The following ITPRID1 variants were observed in gnomAD, a reference collection of about 807,000 sequenced individuals.
ITPRID1 encodes ITPR interacting domain containing 1, also known as protein ITPRID1.
ITPRID1 carries 96 observed loss-of-function variants against 95.4 expected under a neutral mutation model. The observed-to-expected ratio is 1.01, with a 90% CI of 0.85 to 1.19. The LOEUF (loss-of-function observed/expected upper bound fraction) is 1.19, where lower values mean the gene tolerates loss of function less well. Among genes scored for constraint, ITPRID1 ranks in the 50% most tolerant of loss-of-function variants. The probability of loss-of-function intolerance (pLI) is 0.00; values close to 1 mark genes in which losing one functional copy is unlikely to be tolerated. For missense variants in ITPRID1, 1,339 were observed against 1,252.9 expected, an observed-to-expected ratio of 1.07 and a Z score of -1.04; for synonymous variants, 510 against 453.6, an observed-to-expected ratio of 1.12 and a Z score of -1.58.
chr7:31,636,758 A>C (rs1789521893), intron 10 of ITPRID1, among the ~76,000 whole-genome samples: 1 of 151,266 alleles, frequency 6.6e-6, no homozygotes, highest in South Asian at 2.1e-4. Flanking sequence ...TTTAAGTTTT[A>C]GGGTACATGT....
Position 31,643,948 on chromosome 7 carries a change from T to C in ITPRID1, c.2578T>C (p.Cys860Arg). ...ALQDTTVREL[C>R]SCTVHEMEAM... The stretch of plus-strand genomic sequence containing the variant: ...TCAGGACACTACAGTGAGGGAGCTA[T>C]GTTCCGTAAGTGTTCACCCTGGCAA... The change falls in exon 12 of 15, where the codon TGT (cysteine) becomes CGT (arginine). Residue 860 changes from cysteine (C) to arginine (R), a missense_variant. Physicochemically the swap from Cys to Arg is radical, Grantham distance 180 (BLOSUM62 -3). Transcript: ENST00000615280. 1.2e-6 allele frequency: 2 copies of C among 1,608,092 alleles called. No individual in the cohort carries two copies. The highest frequency in any genetic ancestry group is 1.7e-4 in the Middle Eastern group (1 of 6,018).
intron 10 of ITPRID1, among the ~76,000 whole-genome samples, chr7:31,599,633 C>CTTTCT (rs1464346945): frequency 4.1e-5 from 2 of 48,364 alleles, no homozygotes; most frequent in African/African-American, 1.4e-4. Flanking sequence ...TTCTTTCTTT[C>CTTTCT]TTTCTTTCTT....
intron 12 of ITPRID1, among the ~76,000 whole-genome samples, chr7:31,648,606 C>A (rs1790689699): frequency 6.6e-6 from 1 of 152,088 alleles, no homozygotes; most frequent in Non-Finnish European, 1.5e-5. Context: ...AAAAGGCTAC[C>A]CCAAAATAAC....
chr7:31,530,764 A>G (rs1783570395), intron 1 of ITPRID1, among the ~76,000 whole-genome samples: 1 of 152,186 alleles, frequency 6.6e-6, no homozygotes, highest in Admixed American at 6.5e-5. Flanking sequence ...AAAAAAAGGA[A>G]GCAATAGTCC....
chr7:31,554,622 G>T, intron 4 of ITPRID1, 99 bp downstream of exon 4: 2 of 1,433,240 alleles, frequency 1.4e-6, no homozygotes, highest in South Asian at 1.3e-5. Context: ...GGGAAGTGTA[G>T]GGATTTTCAT....
At chr7:31,609,350 A>C (rs1351353473) in intron 10 of ITPRID1, among the ~76,000 whole-genome samples, 1 of 151,576 alleles carries the variant, frequency 6.6e-6, no homozygotes, top group East Asian at 1.9e-4. Flanking sequence ...CCTCTCTCTT[A>C]TATCTTTTGG....
In ITPRID1 at chr7:31,655,312, A is replaced by G. The variant is rs372554476; in HGVS notation, c.*2483A>G. ...TCTACCCTGCCCCCTCAGTCAGTCA[A>G]TGACCACACCAATGCTGAGTCTACT... On this transcript the variant is annotated 3_prime_UTR_variant, in exon 15 of 15. Transcript: ENST00000615280. Among the ~76,000 whole-genome samples the G allele has an allele frequency of 3.9e-5, 6 of 152,056 alleles. No homozygotes were observed. The highest frequency in any genetic ancestry group is 3.9e-4 in the East Asian group (2 of 5,176).
At chr7:31,622,823 G>T (rs1031344911) in intron 10 of ITPRID1, among the ~76,000 whole-genome samples, 1 of 152,204 alleles carries the variant, frequency 6.6e-6, no homozygotes, top group East Asian at 1.9e-4. Context: ...CCAGGAGCTG[G>T]TTTTTTGAAA....
intron 1 of ITPRID1, among the ~76,000 whole-genome samples, chr7:31,548,629 A>G (rs1784178865): frequency 6.6e-6 from 1 of 152,116 alleles, no homozygotes; most frequent in Admixed American, 6.6e-5. Flanking sequence ...AGATTGGGCC[A>G]GATGAAGTGA....
intron 10 of ITPRID1, among the ~76,000 whole-genome samples, chr7:31,597,212 A>G (rs2128157636): frequency 6.6e-6 from 1 of 152,174 alleles, no homozygotes; most frequent in Middle Eastern, 3.4e-3. Context: ...AAATCTCAGA[A>G]AAAATTCCAT....
intron 10 of ITPRID1, among the ~76,000 whole-genome samples, chr7:31,625,717 A>T (rs1467681746): frequency 6.6e-6 from 1 of 152,202 alleles, no homozygotes; most frequent in African/African-American, 2.4e-5. Flanking sequence ...TCACATGTAT[A>T]CATATGTACC....
intron 5 of ITPRID1, among the ~76,000 whole-genome samples, chr7:31,556,730 TC>T (rs1784459217): frequency 6.6e-6 from 1 of 151,976 alleles, no homozygotes; most frequent in African/African-American, 2.4e-5. Flanking sequence ...GGAGGGAAAA[TC>T]CTGTCAAAAC....
In ITPRID1 at chr7:31,552,949, G is replaced by A. The variant is rs984474915; in HGVS notation, c.-23-53G>A. The A allele has an allele frequency of 3.9e-6, 6 of 1,521,568 alleles. No homozygotes were observed. In the African/African-American group the frequency reaches 6.9e-5, roughly 17 times the overall value. 94.3% of individuals were successfully genotyped at this position (1,521,568 alleles called of 1,614,324 possible). ...TTCTTTCTCCCTTTCACTGAGCCAAGCCCAGAAGCTGAACTCATCGTGTCT... is the reference window on the plus strand; with the variant it reads ...TTCTTTCTCCCTTTCACTGAGCCAAACCCAGAAGCTGAACTCATCGTGTCT... On this transcript the variant is annotated intron_variant, in intron 2 of 14. Coordinates refer to ENST00000615280, the MANE Select transcript of ITPRID1 (RefSeq NM_001257967.3).
chr7:31,577,503 A>AT (rs1785227746), intron 8 of ITPRID1, among the ~76,000 whole-genome samples: 1 of 152,222 alleles, frequency 6.6e-6, no homozygotes, highest in African/African-American at 2.4e-5. Flanking sequence ...AGGTAGCCTC[A>AT]TGTTGATAGC....
chr7:31,603,700 C>T (rs1583561075), intron 10 of ITPRID1, among the ~76,000 whole-genome samples: 1 of 152,274 alleles, frequency 6.6e-6, no homozygotes, highest in Admixed American at 6.5e-5. Flanking sequence ...CTTTCTTATT[C>T]TGGCCTCAGC....
intron 5 of ITPRID1, among the ~76,000 whole-genome samples, chr7:31,555,600 G>A (rs576794346): frequency 3.9e-4 from 59 of 152,006 alleles, no homozygotes; most frequent in Non-Finnish European, 7.8e-4. Flanking sequence ...ACTGTAATAC[G>A]TATCTTGATT....
intron 10 of ITPRID1, among the ~76,000 whole-genome samples, chr7:31,636,730 A>G (rs1583682056): frequency 6.7e-6 from 1 of 150,050 alleles, no homozygotes; most frequent in Non-Finnish European, 1.5e-5. Flanking sequence ...TTTTTTAAAA[A>G]TTTTATTATT....
At position 31,552,302 on chromosome 7, in the gene ITPRID1, C is replaced by A. The variant is rs1042512046; in HGVS notation, c.-23-700C>A. Among the ~76,000 whole-genome samples, 10 of 107,190 alleles carry A rather than the reference C, an allele frequency of 9.3e-5. 2 individuals are homozygous for A. The highest frequency in any genetic ancestry group is 2.2e-4 in the African/African-American group (8 of 36,422). The allele number at this position is 107,190 out of a possible 152,430, so 70.3% of individuals were successfully genotyped here. ...TGAGGTCCAGTGCCTGGTTTTGAGTCCTGGCTGGCTGTTTGGCTTTGGACA... is the reference window on the plus strand; with the variant it reads ...TGAGGTCCAGTGCCTGGTTTTGAGTACTGGCTGGCTGTTTGGCTTTGGACA... On this transcript the variant is annotated intron_variant, in intron 2 of 14. Coordinates refer to ENST00000615280, the MANE Select transcript of ITPRID1 (RefSeq NM_001257967.3).
At chr7:31,559,321 T>C (rs1458987168) in intron 5 of ITPRID1, among the ~76,000 whole-genome samples, 1 of 152,196 alleles carries the variant, frequency 6.6e-6, no homozygotes, top group East Asian at 1.9e-4. Context: ...TCATTGCCTT[T>C]GAGCTTTTAT....
Sources: gnomAD v4.1 joint callset for allele counts (sites outside exome capture counted in the v4.1 genomes callset) on GRCh38, gnomAD v4.1.1 for gene constraint, MANE v1.5 for transcripts, NCBI Gene and HGNC (gene_info 2026-07-23, HGNC 2026-07-21) for gene names.